PCSK2: variants seen among roughly 807,000 people sequenced by gnomAD.
PCSK2 encodes neuroendocrine convertase 2.
PCSK2 carries 14 observed loss-of-function variants against 69.7 expected under a neutral mutation model. The ratio of observed to expected loss-of-function variants is 0.20; its 90% CI spans 0.13 to 0.31. The LOEUF (loss-of-function observed/expected upper bound fraction) is 0.31. Among genes scored for constraint, PCSK2 ranks in the 10% least tolerant of loss-of-function variants. PCSK2 has a pLI of 1.00. For synonymous variants in PCSK2, 307 were observed against 320.7 expected (o/e 0.96, Z 0.46); for missense variants, 544 against 842.5 (o/e 0.65, Z 4.39).
Position 17,482,089 on chromosome 20 carries a change from C to G in PCSK2, c.*19C>G, listed in dbSNP as rs367827705. On this transcript the variant is annotated 3_prime_UTR_variant, in exon 12 of 12. Coordinates refer to ENST00000262545, the MANE Select transcript of PCSK2 (RefSeq NM_002594.5). ...GAACTAGCGCTGCACATCCGCCTTTCCCACCGCCCTCCCTCCCCAGCTCCG... is the reference window on the plus strand; with the variant it reads ...GAACTAGCGCTGCACATCCGCCTTTGCCACCGCCCTCCCTCCCCAGCTCCG... 4.0e-5 allele frequency: 62 copies of G among 1,533,634 alleles called. No homozygotes were observed. The Middle Eastern group carries it at 7.0e-4, about 17-fold the overall frequency.
At chr20:17,380,071 T>C (rs62201035) in intron 5 of PCSK2, among the ~76,000 whole-genome samples, 10,253 of 152,240 alleles carry the variant, frequency 0.067, 430 homozygotes, top group Middle Eastern at 0.2. Context: ...ATGAGACAGC[T>C]CCAGTGACAC....
rs76567385 is a variant in PCSK2 at position 17,301,577 on chromosome 20, G to A, written c.282+41233G>A. Reference sequence around the variant, plus strand: ...TGGATAGTCTTCTTGGAGAAAATGGGATATCACCTTATATTAGAGATTGGA... The same window carrying A: ...TGGATAGTCTTCTTGGAGAAAATGGAATATCACCTTATATTAGAGATTGGA... On this transcript the variant is annotated intron_variant, in intron 2 of 11. Transcript: ENST00000262545. Among the ~76,000 whole-genome samples, 773 of 152,158 alleles carry A rather than the reference G, an allele frequency of 5.1e-3. 6 individuals are homozygous for A. The highest frequency in any genetic ancestry group is 0.023 in the East Asian group (119 of 5,178).
At chr20:17,311,584 A>T (rs78250141) in intron 2 of PCSK2, among the ~76,000 whole-genome samples, 11,866 of 152,154 alleles carry the variant, frequency 0.078, 654 homozygotes, top group South Asian at 0.28. Context: ...TTTAGAATGT[A>T]CCTTAGGCCA....
chr20:17,350,971 C>T (rs532448234), intron 2 of PCSK2, among the ~76,000 whole-genome samples: 6 of 148,616 alleles, frequency 4.0e-5, no homozygotes, highest in Admixed American at 2.7e-4. Flanking sequence ...ACCTGGGAGT[C>T]GGAGGTTGCA....
intron 11 of PCSK2, among the ~76,000 whole-genome samples, chr20:17,478,403 GT>G (rs2033330109): frequency 6.6e-6 from 1 of 152,210 alleles, no homozygotes; most frequent in African/African-American, 2.4e-5. Flanking sequence ...AGCTGTTTGA[GT>G]CATATACTGT....
intron 2 of PCSK2, among the ~76,000 whole-genome samples, chr20:17,318,965 T>A (rs746788259): frequency 1.1e-4 from 17 of 152,220 alleles, no homozygotes; most frequent in Non-Finnish European, 2.2e-4. Context: ...TCTTGTTATG[T>A]GTAATGCTCA....
intron 11 of PCSK2, among the ~76,000 whole-genome samples, 169 bp from the exon 12 acceptor site, chr20:17,481,415 G>GAGAA (rs2033399462): frequency 1.1e-5 from 1 of 88,272 alleles, no homozygotes; most frequent in Non-Finnish European, 2.1e-5. Context: ...AAAAAAAAAA[G>GAGAA]AGATAAGTAA....
intron 2 of PCSK2, among the ~76,000 whole-genome samples, chr20:17,316,059 A>G (rs943401914): frequency 6.6e-6 from 1 of 152,072 alleles, no homozygotes; most frequent in Admixed American, 6.5e-5. Flanking sequence ...TTCCACTCCT[A>G]AGCCTTACCC....
At chr20:17,440,631 C>A (rs914752088) in intron 8 of PCSK2, among the ~76,000 whole-genome samples, 1 of 152,076 alleles carries the variant, frequency 6.6e-6, no homozygotes. Context: ...GGGGCTAAGG[C>A]GGGTGGATCA....
chr20:17,366,545 T>C (rs2030596246), intron 4 of PCSK2, among the ~76,000 whole-genome samples: 2 of 152,198 alleles, frequency 1.3e-5, no homozygotes, highest in African/African-American at 4.8e-5. Context: ...TATGAGAATA[T>C]TGTAAGAATT....
At chr20:17,335,047 T>C (rs1990305441) in intron 2 of PCSK2, among the ~76,000 whole-genome samples, 1 of 152,224 alleles carries the variant, frequency 6.6e-6, no homozygotes, top group African/African-American at 2.4e-5. Context: ...TCAGTTACTA[T>C]TGCTGTGTAG....
intron 2 of PCSK2, among the ~76,000 whole-genome samples, chr20:17,272,137 T>G (rs1317888846): frequency 6.6e-6 from 1 of 152,158 alleles, no homozygotes; most frequent in Non-Finnish European, 1.5e-5. Flanking sequence ...GTAAGCATTC[T>G]TAGTTCTTTC....
chr20:17,444,819 G>A (rs575003536), intron 8 of PCSK2, among the ~76,000 whole-genome samples: 4 of 152,356 alleles, frequency 2.6e-5, no homozygotes, highest in East Asian at 3.9e-4. Context: ...CACCCCAAAG[G>A]TATCCCACCC....
chr20:17,404,591 G>A (rs1329641558), intron 5 of PCSK2, among the ~76,000 whole-genome samples: 1 of 152,196 alleles, frequency 6.6e-6, no homozygotes, highest in Non-Finnish European at 1.5e-5. Context: ...TGAGACACAG[G>A]AGGAGCAAGC....
intron 2 of PCSK2, among the ~76,000 whole-genome samples, chr20:17,280,377 T>C (rs2123044045): frequency 6.6e-6 from 1 of 152,352 alleles, no homozygotes; most frequent in South Asian, 2.1e-4. Context: ...AATATAATTG[T>C]TTCTTTAGGA....
At chr20:17,296,730 T>A (rs529409514) in intron 2 of PCSK2, among the ~76,000 whole-genome samples, 1 of 152,304 alleles carries the variant, frequency 6.6e-6, no homozygotes, top group South Asian at 2.1e-4. Context: ...TAATTTTTTA[T>A]CAGAAGAAAG....
At chr20:17,360,171 A>AAG (rs2030341491) in intron 3 of PCSK2, among the ~76,000 whole-genome samples, 1 of 152,230 alleles carries the variant, frequency 6.6e-6, no homozygotes, top group South Asian at 2.1e-4. Context: ...GGTAGAAACA[A>AAG]AGAGCTATGA....
intron 1 of PCSK2, among the ~76,000 whole-genome samples, chr20:17,243,925 G>A (rs1181853359): frequency 2.0e-5 from 3 of 152,150 alleles, no homozygotes; most frequent in Non-Finnish European, 2.9e-5. Context: ...CATGCAACAT[G>A]TGATCTTGGA....
intron 1 of PCSK2, among the ~76,000 whole-genome samples, chr20:17,227,851 G>A (rs1365036729): frequency 6.6e-6 from 1 of 152,168 alleles, no homozygotes; most frequent in East Asian, 1.9e-4. Flanking sequence ...TGGCTACTTG[G>A]CCAGGGAAGT....
Sources: allele counts gnomAD v4.1 joint callset (sites outside exome capture counted in the v4.1 genomes callset), GRCh38; gene constraint gnomAD v4.1.1; transcripts MANE v1.5; gene names NCBI Gene and HGNC (gene_info 2026-07-23, HGNC 2026-07-21).